SEL1L3: variants seen among roughly 807,000 people sequenced by gnomAD.
SEL1L3 encodes the protein protein sel-1 homolog 3.
Under a neutral mutation model 142.8 loss-of-function variants are expected in SEL1L3, and 76 were observed. The observed-to-expected ratio is 0.53, with a 90% CI of 0.44 to 0.64. SEL1L3 has a LOEUF of 0.64. Among genes scored for constraint, SEL1L3 ranks in the 30% least tolerant of loss-of-function variants. The pLI is 0.00. For missense variants in SEL1L3, 1,262 were observed against 1,381.7 expected (o/e 0.91, Z 1.37); for synonymous variants, 504 against 519.6 (o/e 0.97, Z 0.41).
intron 17 of SEL1L3, among the ~76,000 whole-genome samples, chr4:25,775,569 C>T (rs1719552652): frequency 6.6e-6 from 1 of 152,024 alleles, no homozygotes; most frequent in African/African-American, 2.4e-5. Flanking sequence ...GTTAAAACAA[C>T]AATGGAATGC....
chr4:25,780,573 C>A lies in SEL1L3; in HGVS notation c.2458-1370G>T, dbSNP rs187074401. 4.6e-5 allele frequency among the ~76,000 whole-genome samples: 7 copies of A among 151,976 alleles called. No homozygotes were observed. The East Asian group carries it at 1.4e-3, about 29-fold the overall frequency. On this transcript the variant is annotated intron_variant, in intron 15 of 23. Coordinates refer to ENST00000399878, the MANE Select transcript of SEL1L3 (RefSeq NM_015187.5). ...GGGCCTTTGCACTGCCTGCTCCTTC[C>A]TTCTGGAATGTTCTCCTAGATATCT...
chr4:25,855,158 C>T lies in SEL1L3; in HGVS notation c.163-7294G>A, dbSNP rs1717169299. On this transcript the variant is annotated intron_variant, in intron 1 of 23. Coordinates refer to ENST00000399878, the MANE Select transcript of SEL1L3 (RefSeq NM_015187.5). ...AAACCAACACTGATTAGCAACACAT[C>T]ACACTCTAAATATTGATTAAGCTGA... is the stretch of plus-strand genomic sequence containing the variant. 2.6e-5 allele frequency among the ~76,000 whole-genome samples: 4 copies of T among 152,358 alleles called. No homozygotes were observed. In the South Asian group the frequency reaches 8.3e-4, roughly 32 times the overall value.
intron 17 of SEL1L3, among the ~76,000 whole-genome samples, chr4:25,770,663 C>T (rs1254214368): frequency 2.0e-5 from 3 of 147,098 alleles, no homozygotes; most frequent in African/African-American, 7.6e-5. Flanking sequence ...TCATTTGAAC[C>T]CAGGAGGCGG....
chr4:25,858,729 G>A (rs1717444002), intron 1 of SEL1L3, among the ~76,000 whole-genome samples: 1 of 152,046 alleles, frequency 6.6e-6, no homozygotes, highest in Non-Finnish European at 1.5e-5. Flanking sequence ...GGGATTATAG[G>A]TGCACGCCAC....
At chr4:25,731,197 T>A in the SEL1L3 span, among the ~76,000 whole-genome samples, 1 of 152,238 alleles carries the variant, frequency 6.6e-6, no homozygotes, top group Non-Finnish European at 1.5e-5. Flanking sequence ...TTAACACTTG[T>A]GCTTTTATTT....
At chr4:25,861,630 CTTTTTT>C (rs143198162) in intron 1 of SEL1L3, among the ~76,000 whole-genome samples, 3 of 135,462 alleles carry the variant, frequency 2.2e-5, no homozygotes, top group East Asian at 2.1e-4. Flanking sequence ...TGACACTGCT[CTTTTTT>C]TTTTTTTTTT....
At chr4:25,781,765 G>C (rs1228965683) in intron 15 of SEL1L3, among the ~76,000 whole-genome samples, 1 of 152,162 alleles carries the variant, frequency 6.6e-6, no homozygotes, top group Non-Finnish European at 1.5e-5. Context: ...GCACATGGTA[G>C]GGTGTTTTGC....
At position 25,759,026 on chromosome 4, in the gene SEL1L3, T is replaced by A. The variant is rs1438954319; in HGVS notation, c.2998A>T (p.Ile1000Phe). ...AAGAAATCCAAGATATGGTGTGGGA[T>A]TATCGTACCTTCCTCGATTAGCAGG... ...LALLIEEGTI[I>F]PHHILDFLEI... is the part of the protein sequence containing the mutation. Residue 1000 changes from isoleucine to phenylalanine, a missense_variant, in exon 21 of 24, where the codon ATC becomes TTC. By Grantham distance (21) the Ile-to-Phe change is conservative (BLOSUM62 0). This residue lies in a region of SEL1L3 where 435 missense variants were observed against 559.2 expected (regional missense o/e 0.78). Coordinates refer to ENST00000399878, the MANE Select transcript of SEL1L3 (RefSeq NM_015187.5). The A allele has an allele frequency of 1.2e-6, 2 of 1,613,778 alleles. No individual in the cohort carries two copies. The highest frequency in any genetic ancestry group is 1.1e-5 in the South Asian group (1 of 91,018).
In SEL1L3 at chr4:25,841,892, G is replaced by A. The variant is rs966586259; in HGVS notation, c.733+5402C>T. On this transcript the variant is annotated intron_variant, in intron 2 of 23. Transcript: ENST00000399878. ...GGAGAATCGCATGAACCTGGGAGGC[G>A]GAGGGTGCAGTGAGCTGAGATCGCG... 5.3e-5 allele frequency among the ~76,000 whole-genome samples: 8 copies of A among 152,114 alleles called. No homozygotes were observed. In the East Asian group the frequency reaches 9.6e-4, roughly 18 times the overall value.
intron 16 of SEL1L3, among the ~76,000 whole-genome samples, chr4:25,776,937 G>A (rs1270982746): frequency 6.7e-6 from 1 of 150,026 alleles, no homozygotes; most frequent in Non-Finnish European, 1.5e-5. Flanking sequence ...AAAATAAACA[G>A]GAAAATGGTA....
At chr4:25,846,373 T>C (rs967090252) in intron 2 of SEL1L3, among the ~76,000 whole-genome samples, 2 of 152,218 alleles carry the variant, frequency 1.3e-5, no homozygotes, top group Non-Finnish European at 2.9e-5. Flanking sequence ...TGAGTGCTGA[T>C]GATGTGCTGA....
At chr4:25,762,027 T>C (rs1454907946) in intron 20 of SEL1L3, among the ~76,000 whole-genome samples, 1 of 152,204 alleles carries the variant, frequency 6.6e-6, no homozygotes, top group Non-Finnish European at 1.5e-5. Context: ...CAGCTCACTG[T>C]AACCTCCACC....
chr4:25,841,140 C>A (rs1055322458), intron 2 of SEL1L3, among the ~76,000 whole-genome samples: 1 of 152,026 alleles, frequency 6.6e-6, no homozygotes, highest in Admixed American at 6.5e-5. Context: ...TCAAGCAATT[C>A]TCCCACCTCA....
intron 9 of SEL1L3, among the ~76,000 whole-genome samples, chr4:25,807,181 C>T (rs529187079): frequency 1.3e-5 from 2 of 152,276 alleles, no homozygotes; most frequent in East Asian, 1.9e-4. Flanking sequence ...TATTGCATTC[C>T]GTAGCTGTAC....
chr4:25,826,233 T>C (rs973991563), intron 6 of SEL1L3, among the ~76,000 whole-genome samples: 3 of 152,236 alleles, frequency 2.0e-5, no homozygotes, highest in Non-Finnish European at 4.4e-5. Flanking sequence ...TTTAACGCTA[T>C]AGAGGCCTGA....
At position 25,822,080 on chromosome 4, in the gene SEL1L3, A is replaced by G; in HGVS notation, c.1206T>C (p.Ile402=). The part of the protein sequence containing the change: ...HYNDTAGYFI[I]GGSRYVAGIE... ...TGCCAGCCACATACCTGCTCCCTCC[A>G]ATAATGAAGTACCCAGCTGTGTCAT... The change falls in exon 7 of 24, where the codon ATT becomes ATC. Residue 402 remains isoleucine, a synonymous_variant. Coordinates refer to ENST00000399878, the MANE Select transcript of SEL1L3 (RefSeq NM_015187.5). The G allele has an allele frequency of 6.2e-7, 1 of 1,613,974 alleles. No homozygotes were observed. The highest frequency in any genetic ancestry group is 8.5e-7 in the Non-Finnish European group (1 of 1,179,850).
chr4:25,768,134 CCTT>C (rs1243037590), intron 17 of SEL1L3, among the ~76,000 whole-genome samples: 2 of 152,258 alleles, frequency 1.3e-5, no homozygotes, highest in African/African-American at 2.4e-5. Context: ...GTTCTTGAAT[CCTT>C]CTTGCATCCT....
intron 9 of SEL1L3, among the ~76,000 whole-genome samples, chr4:25,814,602 C>A (rs1410548657): frequency 6.6e-6 from 1 of 152,150 alleles, no homozygotes; most frequent in Non-Finnish European, 1.5e-5. Flanking sequence ...TAACTAGAGT[C>A]ATCTGAAGCC....
downstream of SEL1L3, among the ~76,000 whole-genome samples, chr4:25,744,955 A>G (rs544608906): frequency 6.6e-6 from 1 of 152,346 alleles, no homozygotes; most frequent in Non-Finnish European, 1.5e-5. Context: ...CTGTTGTTCA[A>G]GCTACCCAGT....
Sources: gnomAD v4.1 joint callset for allele counts (sites outside exome capture counted in the v4.1 genomes callset) on GRCh38, gnomAD v4.1.1 for gene constraint, gnomAD v4.1.1 regional missense constraint, MANE v1.5 for transcripts, NCBI Gene and HGNC (gene_info 2026-07-23, HGNC 2026-07-21) for gene names.